Variants in TENT2 observed in about 807,000 individuals in gnomAD.
TENT2 encodes the protein poly(A) RNA polymerase GLD2.
A neutral mutation model predicts 72.2 loss-of-function variants in TENT2; 44 were observed. That is an observed-to-expected ratio of 0.61 (90% CI 0.48 to 0.78). The LOEUF (loss-of-function observed/expected upper bound fraction) is 0.78, where lower values mean the gene tolerates loss of function less well. Ranked by LOEUF, TENT2 falls within the 30% of genes least tolerant of loss-of-function variation. The pLI, the probability that TENT2 is intolerant of heterozygous loss-of-function variation, is 0.00. For synonymous variants in TENT2, 212 were observed against 192.5 expected, an observed-to-expected ratio of 1.10 and a Z score of -0.84; for missense variants, 541 against 569.6, an observed-to-expected ratio of 0.95 and a Z score of 0.51.
chr5:79,643,259 A>G (rs546037577), intron 7 of TENT2, among the ~76,000 whole-genome samples: 18 of 152,300 alleles, frequency 1.2e-4, no homozygotes, highest in African/African-American at 4.3e-4. Flanking sequence ...TAAAAGCCCT[A>G]TAGGACTTTA....
intron 3 of TENT2, 118 bp from the exon 4 acceptor site, chr5:79,623,134 C>A: frequency 1.5e-6 from 1 of 680,010 alleles, no homozygotes; most frequent in Non-Finnish European, 2.3e-6. Context: ...ATAAAGTGAC[C>A]TTATTGAAAG....
At position 79,685,412 on chromosome 5, in the gene TENT2, G is replaced by T; in HGVS notation, c.*139G>T. Reference sequence around the variant, plus strand: ...TTTTATTTTTAAAAAGACATATAAAGATTGCATATTTTATTATGACATTTC... The same window carrying T: ...TTTTATTTTTAAAAAGACATATAAATATTGCATATTTTATTATGACATTTC... On this transcript the variant is annotated 3_prime_UTR_variant, in exon 15 of 15. Transcript: ENST00000453514. 1 of 524,810 alleles carries T rather than the reference G, an allele frequency of 1.9e-6. No homozygotes were observed. The highest frequency in any genetic ancestry group is 3.2e-6 in the Non-Finnish European group (1 of 314,530). The allele number at this position is 524,810 out of a possible 1,614,324, so 32.5% of individuals were successfully genotyped here.
intron 4 of TENT2, among the ~76,000 whole-genome samples, chr5:79,625,413 C>A (rs182659895): frequency 1.7e-3 from 257 of 152,234 alleles, no homozygotes; most frequent in Middle Eastern, 0.01. Flanking sequence ...TTGATGCAGT[C>A]CAGTTTATCT....
In TENT2 at chr5:79,686,158, A is replaced by G. The variant is rs1310945903; in HGVS notation, c.*885A>G. 1 of 152,618 alleles carries G rather than the reference A, an allele frequency of 6.6e-6. No homozygotes were observed. The highest frequency in any genetic ancestry group is 1.5e-5 in the Non-Finnish European group (1 of 68,022). 9.5% of individuals were successfully genotyped at this position (152,618 alleles called of 1,614,324 possible). The stretch of plus-strand genomic sequence containing the variant: ...GATTATATCCTGTTTGTAGTATCAG[A>G]TATTTTTCTGTGTACAATTATAGGA... On this transcript the variant is annotated 3_prime_UTR_variant, in exon 15 of 15. Coordinates refer to ENST00000453514, the MANE Select transcript of TENT2 (RefSeq NM_001114394.3).
At chr5:79,662,381 A>AATG (rs1803703400) in intron 11 of TENT2, among the ~76,000 whole-genome samples, 3 of 152,272 alleles carry the variant, frequency 2.0e-5, no homozygotes, top group Admixed American at 2.0e-4. Flanking sequence ...CGGTATCTAG[A>AATG]ATGATGACTC....
chr5:79,634,955 C>T (rs1778902859), intron 4 of TENT2, among the ~76,000 whole-genome samples: 2 of 151,794 alleles, frequency 1.3e-5, no homozygotes, highest in Non-Finnish European at 2.9e-5. Context: ...GTAGCTGATA[C>T]TACCGGCATT....
At chr5:79,620,169 A>C (rs3828602) in intron 3 of TENT2, 86 bp downstream of exon 3, 99,005 of 861,518 alleles carry the variant, frequency 0.11, 6,573 homozygotes, top group East Asian at 0.29. Flanking sequence ...TATTGTATGG[A>C]CCCTAAGCCC....
chr5:79,684,055 G>A (rs1824604455), intron 14 of TENT2, among the ~76,000 whole-genome samples: 1 of 148,886 alleles, frequency 6.7e-6, no homozygotes, highest in African/African-American at 2.5e-5. Flanking sequence ...TGTTCTTATT[G>A]ATGAGTGAGC....
intron 4 of TENT2, among the ~76,000 whole-genome samples, chr5:79,636,266 A>G (rs1304210232): frequency 6.6e-6 from 1 of 152,254 alleles, no homozygotes; most frequent in Admixed American, 6.5e-5. Context: ...AACGTATCAT[A>G]AATCCTTATG....
chr5:79,639,886 A>G (rs1264765419), intron 4 of TENT2, among the ~76,000 whole-genome samples: 5 of 152,342 alleles, frequency 3.3e-5, no homozygotes, highest in Middle Eastern at 3.4e-3. Context: ...TATGTAGCCC[A>G]TTTCAGATAG....
rs2150316436 is a variant in TENT2 at position 79,656,927 on chromosome 5, CACGGAAGCTTTAA to C, written c.1028-28_1028-16del. On this transcript the variant is annotated intron_variant, in intron 10 of 14. Coordinates refer to ENST00000453514, the MANE Select transcript of TENT2 (RefSeq NM_001114394.3). ...GCATTGTAAAATGAGTCACGTGAAT[CACGGAAGCTTTAA>C]ACTTTTTCTTTTTATAGCCCTACCT... 6.4e-7 allele frequency: 1 copy of C among 1,570,098 alleles called. No homozygotes were observed. Among genetic ancestry groups the C allele is most frequent in the East Asian group, 2.3e-5 (1 of 44,300 alleles).
chr5:79,673,797 G>A (rs935301363), intron 12 of TENT2, among the ~76,000 whole-genome samples: 24 of 151,960 alleles, frequency 1.6e-4, no homozygotes, highest in Admixed American at 2.6e-4. Context: ...CAGGAGACAG[G>A]CCACAGAGCT....
In TENT2 at chr5:79,685,473, A is replaced by AAAATGTTTACATTGATGATGAGT; in HGVS notation, c.*203_*225dup. On this transcript the variant is annotated 3_prime_UTR_variant, in exon 15 of 15. Coordinates refer to ENST00000453514, the MANE Select transcript of TENT2 (RefSeq NM_001114394.3). ...CCTTTGATTTAAAAATGTATTTTTAAAAATGTTTACATTGATGATGAGTAA... is the reference window on the plus strand; with the variant it reads ...CCTTTGATTTAAAAATGTATTTTTAAAAATGTTTACATTGATGATGAGTAAATGTTTACATTGATGATGAGTAA... 1 of 412,726 alleles carries AAAATGTTTACATTGATGATGAGT rather than the reference A, an allele frequency of 2.4e-6. No individual in the cohort carries two copies. Among genetic ancestry groups the AAAATGTTTACATTGATGATGAGT allele is most frequent in the Non-Finnish European group, 4.2e-6 (1 of 236,618 alleles). The allele number at this position is 412,726 out of a possible 1,614,324, so 25.6% of individuals were successfully genotyped here.
intron 4 of TENT2, among the ~76,000 whole-genome samples, chr5:79,636,259 G>A (rs902659159): frequency 5.9e-5 from 9 of 152,126 alleles, no homozygotes; most frequent in African/African-American, 1.9e-4. Context: ...AGAGAAAAAC[G>A]TATCATAAAT....
intron 2 of TENT2, 102 bp from the exon 3 acceptor site, chr5:79,619,891 AT>A (rs964915398): frequency 6.1e-4 from 877 of 1,437,232 alleles, no homozygotes; most frequent in South Asian, 1.1e-3. Context: ...ATGTCGTCAC[AT>A]TTTTTTTTGA....
At chr5:79,645,089 T>C (rs1338451473) in intron 7 of TENT2, 34 bp from the exon 8 acceptor site, 1 of 1,540,230 alleles carries the variant, frequency 6.5e-7, no homozygotes, top group Non-Finnish European at 8.8e-7. Context: ...TCTAGAAACA[T>C]TTGCAGCTAT....
At chr5:79,663,774 G>A (rs901271187) in intron 11 of TENT2, among the ~76,000 whole-genome samples, 31 of 152,106 alleles carry the variant, frequency 2.0e-4, no homozygotes, top group Admixed American at 3.9e-4. Context: ...CCTGAAGTGC[G>A]CACACGCTGC....
chr5:79,631,676 G>T (rs1775664450), intron 4 of TENT2, among the ~76,000 whole-genome samples: 1 of 152,180 alleles, frequency 6.6e-6, no homozygotes, highest in Non-Finnish European at 1.5e-5. Context: ...GTGAAGTTAG[G>T]ACAGGCTTTT....
At chr5:79,678,763 G>A (rs1240585461) in intron 12 of TENT2, among the ~76,000 whole-genome samples, 1 of 152,128 alleles carries the variant, frequency 6.6e-6, no homozygotes, top group Non-Finnish European at 1.5e-5. Context: ...ACATAAAGAT[G>A]TACCTGAACA....
Sources: gnomAD v4.1 joint callset for allele counts (sites outside exome capture counted in the v4.1 genomes callset) on GRCh38, gnomAD v4.1.1 for gene constraint, MANE v1.5 for transcripts, NCBI Gene and HGNC (gene_info 2026-07-23, HGNC 2026-07-21) for gene names.